The following KCNH8 variants were observed in gnomAD, a reference collection of about 807,000 sequenced individuals.
KCNH8 encodes the protein voltage-gated delayed rectifier potassium channel KCNH8.
A neutral mutation model predicts 103.6 loss-of-function variants in KCNH8; 70 were observed. That is an observed-to-expected ratio of 0.68 (90% CI 0.56 to 0.82). The LOEUF is 0.82. KCNH8 is among the 40% of genes least tolerant of loss of function. The pLI is 0.00. For missense variants in KCNH8, 1,217 were observed against 1,329.9 expected (o/e 0.92, Z 1.32); for synonymous variants, 498 against 489.4 (o/e 1.02, Z -0.23).
At chr3:19,307,228 A>T (rs961309076) in intron 3 of KCNH8, among the ~76,000 whole-genome samples, 1 of 152,052 alleles carries the variant, frequency 6.6e-6, no homozygotes, top group African/African-American at 2.4e-5. Flanking sequence ...AAGCAATCCA[A>T]TTTATAAATG....
chr3:19,521,980 G>A (rs988784998), intron 15 of KCNH8, among the ~76,000 whole-genome samples: 13 of 151,884 alleles, frequency 8.6e-5, no homozygotes, highest in Non-Finnish European at 1.0e-4. Context: ...TTTATAAAGT[G>A]AGAGAAAACA....
At chr3:19,267,752 A>C (rs2064532545) in intron 2 of KCNH8, among the ~76,000 whole-genome samples, 1 of 152,090 alleles carries the variant, frequency 6.6e-6, no homozygotes, top group African/African-American at 2.4e-5. Flanking sequence ...AAACACATAA[A>C]TGCTTGTTGT....
At chr3:19,314,478 T>A (rs540167216) in intron 3 of KCNH8, among the ~76,000 whole-genome samples, 1 of 151,970 alleles carries the variant, frequency 6.6e-6, no homozygotes, top group East Asian at 1.9e-4. Context: ...GCTAAGGCAG[T>A]AGGATCACTT....
chr3:19,392,166 G>C (rs1054036864), intron 6 of KCNH8, among the ~76,000 whole-genome samples: 1 of 150,458 alleles, frequency 6.6e-6, no homozygotes, highest in Admixed American at 6.6e-5. Context: ...AATTAACATG[G>C]ATGAAGAAAT....
At chr3:19,207,046 G>A (rs1428818971) in intron 1 of KCNH8, among the ~76,000 whole-genome samples, 1 of 151,932 alleles carries the variant, frequency 6.6e-6, no homozygotes, top group Non-Finnish European at 1.5e-5. Flanking sequence ...GAAACTCCAT[G>A]AAGAAGTTTG....
At chr3:19,392,494 TG>T (rs1378505477) in intron 6 of KCNH8, among the ~76,000 whole-genome samples, 2 of 151,980 alleles carry the variant, frequency 1.3e-5, no homozygotes, top group Non-Finnish European at 2.9e-5. Context: ...CAGAAAAGCT[TG>T]TTCAAGGTAT....
intron 3 of KCNH8, among the ~76,000 whole-genome samples, chr3:19,302,440 T>C (rs757455694): frequency 2.0e-5 from 3 of 152,278 alleles, no homozygotes; most frequent in Non-Finnish European, 4.4e-5. Flanking sequence ...TGTAATAATC[T>C]TGGCTTCTAG....
intron 3 of KCNH8, among the ~76,000 whole-genome samples, chr3:19,316,776 C>G (rs1188330560): frequency 1.3e-5 from 2 of 151,920 alleles, no homozygotes; most frequent in African/African-American, 4.8e-5. Flanking sequence ...TATGAATTAG[C>G]TGAGTTACCT....
At chr3:19,279,565 G>T (rs2064726617) in intron 2 of KCNH8, among the ~76,000 whole-genome samples, 1 of 66,664 alleles carries the variant, frequency 1.5e-5, no homozygotes, top group African/African-American at 7.3e-5. Context: ...GATGCCATAG[G>T]GCTAAAAAAA....
At chr3:19,505,160 T>C (rs919000053) in intron 11 of KCNH8, among the ~76,000 whole-genome samples, 3 of 151,944 alleles carry the variant, frequency 2.0e-5, no homozygotes, top group South Asian at 2.1e-4. Context: ...TAAATGAACA[T>C]GGATGGAGCT....
chr3:19,173,667 C>T (rs779723578), intron 1 of KCNH8, among the ~76,000 whole-genome samples: 11 of 152,004 alleles, frequency 7.2e-5, no homozygotes, highest in Admixed American at 4.6e-4. Context: ...AATAAAATGT[C>T]TGGAGAACAC....
chr3:19,238,390 CTG>C (rs1480748716), intron 1 of KCNH8, among the ~76,000 whole-genome samples: 1 of 151,906 alleles, frequency 6.6e-6, no homozygotes, highest in Non-Finnish European at 1.5e-5. Context: ...TGTCTCAAGA[CTG>C]AGAAAATAGT....
chr3:19,525,693 T>C (rs1447179118), intron 15 of KCNH8, among the ~76,000 whole-genome samples: 1 of 151,974 alleles, frequency 6.6e-6, no homozygotes, highest in Admixed American at 6.6e-5. Flanking sequence ...AATGCTAGAC[T>C]TGTAATTCTT....
Position 19,442,179 on chromosome 3 carries a change from C to G in KCNH8, c.1375+3818C>G, listed in dbSNP as rs142139842. Among the ~76,000 whole-genome samples, 487 of 152,304 alleles carry G rather than the reference C, an allele frequency of 3.2e-3. 1 individual carries two copies. Among genetic ancestry groups the G allele is most frequent in the African/African-American group, 0.011 (461 of 41,570 alleles). On this transcript the variant is annotated intron_variant, in intron 8 of 15. Coordinates refer to ENST00000328405, the MANE Select transcript of KCNH8 (RefSeq NM_144633.3). ...TCATTTTCTGAAGAGCTACAATGTG[C>G]CAGGCCCTGTGGTGACTGTTTTATA... is the stretch of plus-strand genomic sequence containing the variant.
At chr3:19,476,418 C>T (rs765188822) in intron 11 of KCNH8, among the ~76,000 whole-genome samples, 5 of 152,078 alleles carry the variant, frequency 3.3e-5, no homozygotes, top group Non-Finnish European at 7.4e-5. Context: ...TCTTAACCGA[C>T]CTGGTTTGAA....
intron 11 of KCNH8, among the ~76,000 whole-genome samples, chr3:19,501,431 C>T (rs1029697642): frequency 5.9e-5 from 9 of 152,148 alleles, no homozygotes; most frequent in Non-Finnish European, 1.0e-4. Flanking sequence ...TTTTATGAGG[C>T]CAGCATCATC....
At chr3:19,479,705 T>A (rs1252068552) in intron 11 of KCNH8, among the ~76,000 whole-genome samples, 1 of 152,188 alleles carries the variant, frequency 6.6e-6, no homozygotes, top group African/African-American at 2.4e-5. Flanking sequence ...TTGCTGTGTC[T>A]CTATTATATG....
chr3:19,307,428 TAC>T (rs1433921723), intron 3 of KCNH8, among the ~76,000 whole-genome samples: 1 of 151,962 alleles, frequency 6.6e-6, no homozygotes, highest in African/African-American at 2.4e-5. Context: ...GGAACTCTTA[TAC>T]ACTGTTGAGG....
intron 1 of KCNH8, among the ~76,000 whole-genome samples, chr3:19,183,880 A>G (rs548800820): frequency 6.6e-6 from 1 of 152,280 alleles, no homozygotes; most frequent in East Asian, 1.9e-4. Context: ...ATGCACACTA[A>G]AACATTTCAC....
Sources: allele counts gnomAD v4.1 joint callset (sites outside exome capture counted in the v4.1 genomes callset), GRCh38; gene constraint gnomAD v4.1.1; transcripts MANE v1.5; gene names NCBI Gene and HGNC (gene_info 2026-07-23, HGNC 2026-07-21).